Variants in TYW5 observed in about 807,000 individuals in gnomAD.
The protein encoded by TYW5 is tRNA-yW synthesizing protein 5.
In TYW5, 36 loss-of-function variants were observed where a neutral mutation model predicts 44.4. The observed-to-expected ratio is 0.81, with a 90% CI of 0.62 to 1.07. The LOEUF is 1.07. Ranked by LOEUF, TYW5 falls within the 50% of genes least tolerant of loss-of-function variation. TYW5 has a pLI of 0.00. For synonymous variants in TYW5, 121 were observed against 128.1 expected (o/e 0.94, Z 0.37); for missense variants, 354 against 365.7 (o/e 0.97, Z 0.26).
Position 199,940,881 on chromosome 2 carries a change from G to C in TYW5, c.304-748C>G. Among the ~76,000 whole-genome samples the C allele has an allele frequency of 2.6e-5, 4 of 152,134 alleles. No individual in the cohort carries two copies. In the South Asian group the frequency reaches 8.3e-4, roughly 31 times the overall value. ...GTACAGTAACAGATAAATACCTTAT[G>C]CTTTTAATAATATATTTTTTTAAAC... On this transcript the variant is annotated intron_variant, in intron 3 of 7. Coordinates refer to ENST00000354611, the MANE Select transcript of TYW5 (RefSeq NM_001039693.3).
At chr2:199,938,832 C>T (rs1430941065) in intron 5 of TYW5, 101 bp downstream of exon 5, 2 of 1,241,162 alleles carry the variant, frequency 1.6e-6, no homozygotes, top group Admixed American at 5.4e-5. Context: ...GCAAATTACA[C>T]AGATGTTTAG....
rs1423916023 is a variant in TYW5 at position 199,933,293 on chromosome 2, TC to T, written c.721del (p.Glu241SerfsTer6). On this transcript the variant is annotated frameshift_variant, in exon 8 of 8. Coordinates refer to ENST00000354611, the MANE Select transcript of TYW5 (RefSeq NM_001039693.3). LOFTEE classifies it high-confidence loss of function. ...AAAGATATTCACTCCCACTCCAAAC[TC>T]TTCAGAAATTACATTATGGAACCAT... ...ALWFHNVISE[E>X]FGVGVNIFWK... The T allele has an allele frequency of 3.1e-6, 5 of 1,612,402 alleles. No homozygotes were observed. The highest frequency in any genetic ancestry group is 2.5e-6 in the Non-Finnish European group (3 of 1,179,466).
At chr2:199,944,976 A>C (rs758248313) in intron 2 of TYW5, 3 of 152,214 alleles carry the variant, frequency 2.0e-5, no homozygotes, top group African/African-American at 4.8e-5. Context: ...TGTTTATCAT[A>C]AAAATAACCT....
Position 199,948,373 on chromosome 2 carries a change from T to C in TYW5, c.178A>G (p.Ile60Val). Residue 60 changes from isoleucine (I) to valine (V), a missense_variant, in exon 2 of 8, where the codon ATT becomes GTT. Coordinates refer to ENST00000354611, the MANE Select transcript of TYW5 (RefSeq NM_001039693.3). ...SQVGGKKEVKIHVAAVAQMDF... is the reference protein window; with the variant it reads ...SQVGGKKEVKVHVAAVAQMDF... ...ATCTGTGCAACTGCAGCAACATGAA[T>C]CTTTACTTCTTTCTTCCCTCCAACT... 1 of 1,614,126 alleles carries C rather than the reference T, an allele frequency of 6.2e-7. No individual in the cohort carries two copies. The highest frequency in any genetic ancestry group is 8.5e-7 in the Non-Finnish European group (1 of 1,179,982).
intron 1 of TYW5, 82 bp downstream of exon 1, chr2:199,955,311 A>G: frequency 1.9e-5 from 28 of 1,511,368 alleles, no homozygotes; most frequent in Non-Finnish European, 2.5e-5. Context: ...TGGGTCTCTA[A>G]AAACCAGTTC....
chr2:199,947,246 T>C (rs1184316775), intron 2 of TYW5: 3 of 152,210 alleles, frequency 2.0e-5, no homozygotes, highest in African/African-American at 7.2e-5. Flanking sequence ...CATCTCTAAA[T>C]TGAAGTCTTG....
At chr2:199,945,741 G>T (rs1408851798) in intron 2 of TYW5, 3 of 152,168 alleles carry the variant, frequency 2.0e-5, no homozygotes, top group Non-Finnish European at 2.9e-5. Context: ...TAGAAAAACA[G>T]AACAGAACAG....
chr2:199,936,286 T>C, intron 6 of TYW5, 119 bp downstream of exon 6: 1 of 860,598 alleles, frequency 1.2e-6, no homozygotes, highest in Non-Finnish European at 1.8e-6. Context: ...ATTACATATA[T>C]ACACAAATAC....
Position 199,955,475 on chromosome 2 carries a change from G to T in TYW5, c.-5C>A, listed in dbSNP as rs984012090. The T allele has an allele frequency of 4.3e-6, 7 of 1,613,370 alleles. No homozygotes were observed. In the African/African-American group the frequency reaches 9.3e-5, roughly 22 times the overall value. The stretch of plus-strand genomic sequence containing the variant: ...CGGGAGGTGCTGCCCGGCCATGGTT[G>T]CTCACGCCTGCCCTCTTCCAGGTCT... On this transcript the variant is annotated 5_prime_UTR_variant, in exon 1 of 8. Transcript: ENST00000354611.
At chr2:199,936,531 A>G in intron 5 of TYW5, 39 bp from the exon 6 acceptor site, 1 of 1,524,798 alleles carries the variant, frequency 6.6e-7, no homozygotes, top group Non-Finnish European at 9.0e-7. Context: ...TCATTATCTA[A>G]AATTCAAATA....
intron 1 of TYW5, 84 bp downstream of exon 1, chr2:199,955,309 T>TA: frequency 6.6e-7 from 1 of 1,504,658 alleles, no homozygotes; most frequent in Non-Finnish European, 9.0e-7. Flanking sequence ...CCTGGGTCTC[T>TA]AAAAACCAGT....
chr2:199,936,092 C>A, intron 6 of TYW5, 45 bp from the exon 7 acceptor site: 1 of 1,138,774 alleles, frequency 8.8e-7, no homozygotes, highest in Non-Finnish European at 1.3e-6. Flanking sequence ...GCAAAGTTAG[C>A]ATTTTAAAAA....
chr2:199,938,690 A>G (rs1294156334), intron 5 of TYW5, among the ~76,000 whole-genome samples: 6 of 152,244 alleles, frequency 3.9e-5, no homozygotes, highest in Non-Finnish European at 1.5e-5. Flanking sequence ...TGGTATATAT[A>G]TGATGATGAA....
At chr2:199,939,126 G>C (rs891956011) in intron 4 of TYW5, 56 bp from the exon 5 acceptor site, 1 of 1,488,584 alleles carries the variant, frequency 6.7e-7, no homozygotes, top group Admixed American at 2.4e-5. Context: ...TGATATTAAG[G>C]AAGACTGGGG....
chr2:199,929,970 A>ATTTTTTTTTTTTTTTT lies in TYW5; in HGVS notation c.*3081_*3096dup. ...ACCACTCCCCAGCTCTGCATATAATATTTTTTTTTTTTTTTTTTTTTTTGA... is the reference window on the plus strand; with the variant it reads ...ACCACTCCCCAGCTCTGCATATAATATTTTTTTTTTTTTTTTTTTTTTTTTTTTTTTTTTTTTTTGA... On this transcript the variant is annotated 3_prime_UTR_variant, in exon 8 of 8. Coordinates refer to ENST00000354611, the MANE Select transcript of TYW5 (RefSeq NM_001039693.3). 1 of 89,826 alleles carries ATTTTTTTTTTTTTTTT rather than the reference A, an allele frequency of 1.1e-5. No homozygotes were observed. The highest frequency in any genetic ancestry group is 2.2e-5 in the Non-Finnish European group (1 of 46,068). The allele number at this position is 89,826 out of a possible 1,614,324, so 5.6% of individuals were successfully genotyped here.
chr2:199,952,755 A>AT (rs750973180), intron 1 of TYW5, among the ~76,000 whole-genome samples: 6 of 152,264 alleles, frequency 3.9e-5, no homozygotes, highest in Admixed American at 2.6e-4. Flanking sequence ...ATTTACCCAT[A>AT]TTTTCTACTA....
intron 3 of TYW5, chr2:199,942,288 CA>C (rs966027188): frequency 1.3e-5 from 2 of 152,306 alleles, no homozygotes; most frequent in Non-Finnish European, 2.9e-5. Flanking sequence ...AGGATGGTCT[CA>C]ATCTCCTGAC....
chr2:199,933,130 G>A lies in TYW5; in HGVS notation c.885C>T (p.Asp295=). 6.2e-7 allele frequency: 1 copy of A among 1,614,128 alleles called. No individual in the cohort carries two copies. Among genetic ancestry groups the A allele is most frequent in the Non-Finnish European group, 8.5e-7 (1 of 1,179,996 alleles). ...GTAGGACCATTCGTCGTGCATAGAAGTCCCTATATTCCTCTGGTAACTCGG... is the reference window on the plus strand; with the variant it reads ...GTAGGACCATTCGTCGTGCATAGAAATCCCTATATTCCTCTGGTAACTCGG... ...TLAELPEEYR[D]FYARRMVLHI... is the part of the protein sequence containing the mutation. The change falls in exon 8 of 8, where the codon GAC becomes GAT. Residue 295 remains aspartate (D), a synonymous_variant. Transcript: ENST00000354611.
chr2:199,952,492 G>A (rs2077553674), intron 1 of TYW5, among the ~76,000 whole-genome samples: 1 of 151,954 alleles, frequency 6.6e-6, no homozygotes, highest in Non-Finnish European at 1.5e-5. Context: ...CCCCTCAATC[G>A]TTTGCTCATT....
Sources: gnomAD v4.1 joint callset for allele counts (sites outside exome capture counted in the v4.1 genomes callset) on GRCh38, gnomAD v4.1.1 for gene constraint, MANE v1.5 for transcripts, NCBI Gene and HGNC (gene_info 2026-07-23, HGNC 2026-07-21) for gene names.